DTNA: variants seen among roughly 807,000 people sequenced by gnomAD.
DTNA encodes dystrobrevin alpha.
In DTNA, 43 loss-of-function variants were observed where a neutral mutation model predicts 100.7. The observed-to-expected ratio is 0.43, with a 90% CI of 0.33 to 0.55. The LOEUF (loss-of-function observed/expected upper bound fraction) is 0.55. Ranked by LOEUF, DTNA falls within the 20% of genes least tolerant of loss-of-function variation. The probability of loss-of-function intolerance (pLI) is 0.04; values close to 1 mark genes in which losing one functional copy is unlikely to be tolerated. For synonymous variants in DTNA, 349 were observed against 347.9 expected (o/e 1.00, Z -0.04); for missense variants, 798 against 953.9 (o/e 0.84, Z 2.15).
chr18:34,740,224 A>C (rs1243731806), intron 1 of DTNA, among the ~76,000 whole-genome samples: 1 of 152,112 alleles, frequency 6.6e-6, no homozygotes, highest in East Asian at 1.9e-4. Flanking sequence ...TAAGCCTTTG[A>C]AGTTACTGGT....
chr18:34,737,060 T>C (rs1022003243), intron 1 of DTNA, among the ~76,000 whole-genome samples: 1 of 152,158 alleles, frequency 6.6e-6, no homozygotes. Flanking sequence ...TTTAAACAGA[T>C]GTATAGTGAA....
At chr18:34,819,441 A>G (rs2095661671) in intron 8 of DTNA, among the ~76,000 whole-genome samples, 1 of 152,240 alleles carries the variant, frequency 6.6e-6, no homozygotes, top group African/African-American at 2.4e-5. Flanking sequence ...GAGGACAGAT[A>G]GATACATTAA....
rs1603336310 is a variant in DTNA at position 34,875,278 on chromosome 18, A to C, written c.1783A>C (p.Thr595Pro). 6.2e-7 allele frequency: 1 copy of C among 1,614,108 alleles called. No homozygotes were observed. Among genetic ancestry groups the C allele is most frequent in the East Asian group, 2.2e-5 (1 of 44,882 alleles). Residue 595 changes from threonine (T) to proline (P), a missense_variant, in exon 18 of 23, where the codon ACC (threonine) becomes CCC (proline). Thr to Pro is a conservative substitution (Grantham distance 38, BLOSUM62 -1). Coordinates refer to ENST00000444659, the MANE Select transcript of DTNA (RefSeq NM_001386795.1). ...AGSPRSSPSHTISRPIPMPIR... is the reference protein window; with the variant it reads ...AGSPRSSPSHPISRPIPMPIR... ...CTCTCCCCGCTCCTCCCCCAGCCAC[A>C]CCATCAGCAGGCCAATTCCCATGCC... is the stretch of plus-strand genomic sequence containing the variant.
At position 34,710,328 on chromosome 18, in the gene DTNA, A is replaced by T. The variant is rs2082655838; in HGVS notation, c.-119A>T. ...TGAACACAGCTTTTTATTGAAGTTAAAGGTTACTTTGGAGTTTGTTTGGAA... is the reference window on the plus strand; with the variant it reads ...TGAACACAGCTTTTTATTGAAGTTATAGGTTACTTTGGAGTTTGTTTGGAA... On this transcript the variant is annotated 5_prime_UTR_variant, in exon 1 of 23. Transcript: ENST00000444659. 1 of 152,204 alleles carries T rather than the reference A, an allele frequency of 6.6e-6. No individual in the cohort carries two copies. The highest frequency in any genetic ancestry group is 1.5e-5 in the Non-Finnish European group (1 of 68,048). 9.4% of individuals were successfully genotyped at this position (152,204 alleles called of 1,614,324 possible).
At position 34,735,413 on chromosome 18, in the gene DTNA, C is replaced by G. The variant is rs561265220; in HGVS notation, c.-1-20563C>G. Among the ~76,000 whole-genome samples the G allele has an allele frequency of 8.1e-4, 123 of 152,302 alleles. 1 individual carries two copies. The highest frequency in any genetic ancestry group is 1.5e-3 in the Non-Finnish European group (102 of 68,036). ...AGTTGACACTCAGTATTAACCATCA[C>G]ACCTATACTAAAAAACTGTTTGCCA... On this transcript the variant is annotated intron_variant, in intron 1 of 22. Transcript: ENST00000444659.
intron 17 of DTNA, among the ~76,000 whole-genome samples, chr18:34,871,884 A>G (rs2096769238): frequency 6.6e-6 from 1 of 152,258 alleles, no homozygotes; most frequent in Non-Finnish European, 1.5e-5. Flanking sequence ...TGGATGTGAC[A>G]TGGGAGTTGC....
chr18:34,639,467 T>A (rs565201756), intron 1 of DTNA, among the ~76,000 whole-genome samples: 3 of 152,216 alleles, frequency 2.0e-5, no homozygotes, highest in East Asian at 3.9e-4. Flanking sequence ...CAAGGATAAA[T>A]AATAGAATTG....
At chr18:34,647,124 T>C (rs901074717) in intron 1 of DTNA, among the ~76,000 whole-genome samples, 1 of 151,858 alleles carries the variant, frequency 6.6e-6, no homozygotes, top group Admixed American at 6.6e-5. Flanking sequence ...GGTTCCTCTT[T>C]AGGAAGCACT....
At chr18:34,769,987 CTAGGATTA>C (rs2148580180) in intron 3 of DTNA, among the ~76,000 whole-genome samples, 2 of 152,042 alleles carry the variant, frequency 1.3e-5, no homozygotes, top group East Asian at 3.9e-4. Context: ...TCCCAAAGTG[CTAGGATTA>C]CAGGTGTGAG....
chr18:34,693,549 C>G (rs1568236694), intron 1 of DTNA, among the ~76,000 whole-genome samples: 1 of 152,012 alleles, frequency 6.6e-6, no homozygotes, highest in Non-Finnish European at 1.5e-5. Context: ...AGAGGAGATT[C>G]CTGGTCTAAG....
At chr18:34,737,213 T>C (rs1339484069) in intron 1 of DTNA, among the ~76,000 whole-genome samples, 2 of 152,168 alleles carry the variant, frequency 1.3e-5, no homozygotes, top group Admixed American at 6.5e-5. Flanking sequence ...CTAGCTAATA[T>C]GTATTAAGGA....
chr18:34,790,633 G>A (rs1018938837), intron 3 of DTNA, among the ~76,000 whole-genome samples: 2 of 136,614 alleles, frequency 1.5e-5, no homozygotes, highest in African/African-American at 2.7e-5. Flanking sequence ...GTGCAGTGGC[G>A]CAATCTTGGC....
intron 2 of DTNA, among the ~76,000 whole-genome samples, chr18:34,759,113 A>G (rs1239363121): frequency 6.6e-6 from 1 of 152,218 alleles, no homozygotes; most frequent in South Asian, 2.1e-4. Flanking sequence ...TTCTCTTCAC[A>G]ATAATGCCTT....
At chr18:34,860,022 T>TA (rs2096599204) in intron 16 of DTNA, among the ~76,000 whole-genome samples, 1 of 151,236 alleles carries the variant, frequency 6.6e-6, no homozygotes. Flanking sequence ...TGGGAAGTAT[T>TA]ACATTCTTTT....
intron 16 of DTNA, among the ~76,000 whole-genome samples, chr18:34,861,154 A>T (rs2096619663): frequency 6.6e-6 from 1 of 152,114 alleles, no homozygotes. Flanking sequence ...ACCCATATTA[A>T]AATTTTGACA....
chr18:34,633,690 A>G (rs2058345114), intron 1 of DTNA, among the ~76,000 whole-genome samples: 1 of 152,114 alleles, frequency 6.6e-6, no homozygotes, highest in Admixed American at 6.5e-5. Flanking sequence ...CACATGCCAC[A>G]TTTCTACTAC....
intron 1 of DTNA, among the ~76,000 whole-genome samples, chr18:34,591,550 G>T (rs2049726432): frequency 6.6e-6 from 1 of 152,142 alleles, no homozygotes; most frequent in South Asian, 2.1e-4. Flanking sequence ...GTTCATTTGT[G>T]TTTTGGCACC....
At chr18:34,536,504 C>A (rs1342457298) in intron 1 of DTNA, among the ~76,000 whole-genome samples, 1 of 151,940 alleles carries the variant, frequency 6.6e-6, no homozygotes, top group Non-Finnish European at 1.5e-5. Flanking sequence ...ATTGTGTTTA[C>A]TACTGACATT....
At chr18:34,742,581 C>T (rs993975288) in intron 1 of DTNA, among the ~76,000 whole-genome samples, 6 of 99,022 alleles carry the variant, frequency 6.1e-5, no homozygotes, top group Non-Finnish European at 1.3e-4. Context: ...GTCAAGATAA[C>T]GTATTCACAA....
Sources: gnomAD v4.1 joint callset for allele counts (sites outside exome capture counted in the v4.1 genomes callset) on GRCh38, gnomAD v4.1.1 for gene constraint, MANE v1.5 for transcripts, NCBI Gene and HGNC (gene_info 2026-07-23, HGNC 2026-07-21) for gene names.